Variants in CDK14 observed in about 807,000 individuals in gnomAD.
The protein encoded by CDK14 is cyclin-dependent kinase 14.
Under a neutral mutation model 60.7 loss-of-function variants are expected in CDK14, and 34 were observed. That is an observed-to-expected ratio of 0.56 (90% CI 0.43 to 0.75). The LOEUF (loss-of-function observed/expected upper bound fraction) is 0.75, where lower values mean the gene tolerates loss of function less well. Among genes scored for constraint, CDK14 ranks in the 30% least tolerant of loss-of-function variants. The pLI, the probability that CDK14 is intolerant of heterozygous loss-of-function variation, is 0.00. For missense variants in CDK14, 482 were observed against 564.1 expected, an observed-to-expected ratio of 0.85 and a Z score of 1.47; for synonymous variants, 197 against 203.7, an observed-to-expected ratio of 0.97 and a Z score of 0.28.
chr7:91,040,152 C>CT (rs1248963644), intron 10 of CDK14, among the ~76,000 whole-genome samples: 2 of 152,186 alleles, frequency 1.3e-5, no homozygotes, highest in Admixed American at 6.5e-5. Context: ...TTCTCCTCGC[C>CT]TTCCACCTGC....
intron 14 of CDK14, among the ~76,000 whole-genome samples, chr7:91,137,693 GGTGTGTGTGTGT>G (rs1197264075): frequency 2.1e-5 from 2 of 97,106 alleles, no homozygotes; most frequent in Non-Finnish European, 3.7e-5. Context: ...ACTTGTGGGG[GGTGTGTGTGTGT>G]GTGTGTGTGT....
Position 90,604,222 on chromosome 7 carries a change from G to A in CDK14, c.96G>A (p.Leu32=). 6.5e-7 allele frequency: 1 copy of A among 1,530,576 alleles called. No homozygotes were observed. The highest frequency in any genetic ancestry group is 8.8e-7 in the Non-Finnish European group (1 of 1,130,212). 94.8% of individuals were successfully genotyped at this position (1,530,576 alleles called of 1,614,324 possible). A position where few individuals can be genotyped will look rare whatever the true frequency, so the allele number is the denominator to read the frequency against. ...CTTTTCCTTCTTATTTTATAGCTTT[G>A]AAGAAAGATGACACCACCTTTGATG... The part of the protein sequence containing the change: ...TLSESFSRIA[L]KKDDTTFDEI... The change falls in exon 2 of 15, where the codon TTG becomes TTA. Residue 32 remains leucine, a synonymous_variant. Coordinates refer to ENST00000380050, the MANE Select transcript of CDK14 (RefSeq NM_001287135.2).
At chr7:90,632,414 T>G in intron 2 of CDK14, 1 of 252,768 alleles carries the variant, frequency 4.0e-6, no homozygotes, top group Middle Eastern at 5.3e-4. Context: ...GTAAAGTGAT[T>G]GGCAGTGGTT....
chr7:90,947,194 T>C (rs1794126665), intron 8 of CDK14, among the ~76,000 whole-genome samples: 1 of 152,202 alleles, frequency 6.6e-6, no homozygotes, highest in African/African-American at 2.4e-5. Context: ...CCAGCCTGTG[T>C]TTTCAGTTCA....
At chr7:90,956,633 CT>C (rs1301238747) in intron 9 of CDK14, among the ~76,000 whole-genome samples, 1 of 151,776 alleles carries the variant, frequency 6.6e-6, no homozygotes, top group Non-Finnish European at 1.5e-5. Context: ...TATTATTATA[CT>C]TTAAGTTTTA....
At chr7:90,825,234 G>A (rs561313940) in intron 5 of CDK14, among the ~76,000 whole-genome samples, 1 of 152,302 alleles carries the variant, frequency 6.6e-6, no homozygotes, top group East Asian at 1.9e-4. Flanking sequence ...GTCACCTACT[G>A]CAGGGCAGCC....
chr7:91,069,299 G>A (rs976696070), intron 11 of CDK14, among the ~76,000 whole-genome samples: 1 of 152,166 alleles, frequency 6.6e-6, no homozygotes, highest in Non-Finnish European at 1.5e-5. Context: ...AGCTACTCAG[G>A]AGGCTGAGGC....
intron 5 of CDK14, among the ~76,000 whole-genome samples, chr7:90,853,628 T>G (rs1412208014): frequency 6.6e-6 from 1 of 152,178 alleles, no homozygotes; most frequent in East Asian, 1.9e-4. Context: ...AAATGTTAAA[T>G]GGACAGTTTG....
At chr7:91,096,840 T>G (rs1395231552) in intron 12 of CDK14, among the ~76,000 whole-genome samples, 1 of 152,204 alleles carries the variant, frequency 6.6e-6, no homozygotes, top group East Asian at 1.9e-4. Flanking sequence ...ATGAGATGCC[T>G]ATAACCATGT....
chr7:90,767,988 T>G (rs1342916578), intron 4 of CDK14, among the ~76,000 whole-genome samples: 2 of 152,246 alleles, frequency 1.3e-5, no homozygotes, highest in Non-Finnish European at 2.9e-5. Context: ...AGTCACTTCC[T>G]TGTACATTCA....
chr7:91,184,055 C>A (rs942404950), intron 14 of CDK14, among the ~76,000 whole-genome samples: 3 of 151,664 alleles, frequency 2.0e-5, no homozygotes, highest in African/African-American at 7.3e-5. Context: ...TTAAACCAGG[C>A]GCTTAAAATT....
intron 2 of CDK14, among the ~76,000 whole-genome samples, chr7:90,618,437 T>C (rs542711131): frequency 1.2e-4 from 18 of 152,322 alleles, no homozygotes; most frequent in Admixed American, 1.2e-3. Flanking sequence ...CTTTGTTCTT[T>C]CTGAAAACAC....
intron 14 of CDK14, among the ~76,000 whole-genome samples, chr7:91,141,054 G>C (rs941174338): frequency 6.6e-6 from 1 of 152,100 alleles, no homozygotes; most frequent in Non-Finnish European, 1.5e-5. Context: ...GTGGAAATTG[G>C]GAAAAGAGAT....
chr7:90,605,965 C>T (rs1180716448), intron 2 of CDK14, among the ~76,000 whole-genome samples: 1 of 152,188 alleles, frequency 6.6e-6, no homozygotes, highest in Non-Finnish European at 1.5e-5. Flanking sequence ...ACTACTCCCT[C>T]TCTCTGTTAT....
intron 14 of CDK14, among the ~76,000 whole-genome samples, chr7:91,134,421 A>G (rs1800209568): frequency 6.6e-6 from 1 of 152,136 alleles, no homozygotes; most frequent in Non-Finnish European, 1.5e-5. Context: ...CCAGACCTGA[A>G]CTATTTGCAA....
At chr7:91,107,399 T>G (rs1355286806) in intron 12 of CDK14, 1 of 152,152 alleles carries the variant, frequency 6.6e-6, no homozygotes, top group African/African-American at 2.4e-5. Flanking sequence ...TAAAGGAAAT[T>G]TAAAAGTATG....
intron 13 of CDK14, among the ~76,000 whole-genome samples, chr7:91,113,373 T>C (rs1355435456): frequency 6.6e-6 from 1 of 152,230 alleles, no homozygotes; most frequent in Non-Finnish European, 1.5e-5. Flanking sequence ...TTGTTTTGTT[T>C]TTATAAAAGT....
chr7:90,709,683 A>G, intron 2 of CDK14: 1 of 1,556,484 alleles, frequency 6.4e-7, no homozygotes, highest in Non-Finnish European at 8.7e-7. Context: ...AGCTATTGAT[A>G]CTGAATGTTA....
At chr7:91,116,649 T>G (rs1799618619) in intron 13 of CDK14, among the ~76,000 whole-genome samples, 1 of 152,190 alleles carries the variant, frequency 6.6e-6, no homozygotes, top group Non-Finnish European at 1.5e-5. Context: ...TTTCATGCTG[T>G]TTTGAATCCT....
Sources: allele counts gnomAD v4.1 joint callset (sites outside exome capture counted in the v4.1 genomes callset), GRCh38; gene constraint gnomAD v4.1.1; transcripts MANE v1.5; gene names NCBI Gene and HGNC (gene_info 2026-07-23, HGNC 2026-07-21).